LUZP1: variants seen among roughly 807,000 people sequenced by gnomAD.
LUZP1 encodes the protein filamin mechanobinding actin cross-linking protein.
Under a neutral mutation model 71.3 loss-of-function variants are expected in LUZP1, and 25 were observed. The ratio of observed to expected loss-of-function variants is 0.35; its 90% CI spans 0.26 to 0.49. LUZP1 has a LOEUF of 0.49. LUZP1 is among the 20% of genes least tolerant of loss of function. The pLI is 0.99. For missense variants in LUZP1, 1,142 were observed against 1,300.8 expected (o/e 0.88, Z 1.88); for synonymous variants, 481 against 506.4 (o/e 0.95, Z 0.67).
In LUZP1 at chr1:23,093,640, C is replaced by T. The variant is rs773754332; in HGVS notation, c.622G>A (p.Glu208Lys). 6.2e-7 allele frequency: 1 copy of T among 1,610,686 alleles called. No homozygotes were observed. The highest frequency in any genetic ancestry group is 8.5e-7 in the Non-Finnish European group (1 of 1,179,318). Residue 208 changes from glutamate (E) to lysine (K), a missense_variant, in exon 4 of 5, where the codon GAG becomes AAG. Coordinates refer to ENST00000302291, the Ensembl canonical transcript of LUZP1. The surrounding 1 kb of genome is among the most constrained non-coding windows in gnomAD (Gnocchi z 4.2). The stretch of plus-strand genomic sequence containing the variant: ...TGAGTGAGTTCTTTTATCAATTTCT[C>T]ATTTTCTTTCTCCTTTTCATTCAAG...
At chr1:23,088,772 CCA>C in exon 5 of LUZP1, 9 of 1,384,344 alleles carry the variant, frequency 6.5e-6, no homozygotes, top group South Asian at 4.5e-5. Context: ...CCCGGCTCTA[CCA>C]CAGTTTTCCA....
intron 2 of LUZP1, among the ~76,000 whole-genome samples, chr1:23,113,825 A>G (rs971959365): frequency 4.6e-5 from 7 of 151,962 alleles, no homozygotes; most frequent in Admixed American, 6.6e-5. Flanking sequence ...GCTTGCAGTG[A>G]GCCGAGATTC....
chr1:23,152,866 C>T (rs1261996229), intron 2 of LUZP1, among the ~76,000 whole-genome samples: 1 of 152,092 alleles, frequency 6.6e-6, no homozygotes, highest in East Asian at 1.9e-4. Context: ...GAGCTATCTT[C>T]ACTTTCTTTT....
intron 2 of LUZP1, among the ~76,000 whole-genome samples, chr1:23,164,234 G>A (rs777136715): frequency 5.7e-4 from 87 of 152,238 alleles, no homozygotes; most frequent in Admixed American, 7.8e-4. Context: ...GGTGGCTCAC[G>A]CCTCTAATCC....
At chr1:23,138,481 G>A (rs10917351) in intron 2 of LUZP1, among the ~76,000 whole-genome samples, 26,179 of 151,964 alleles carry the variant, frequency 0.17, 2,320 homozygotes, top group East Asian at 0.27. Context: ...GATTATGATT[G>A]CCAGGGGCTA....
exon 4 of LUZP1, chr1:23,092,723 G>A: frequency 6.2e-7 from 1 of 1,614,042 alleles, no homozygotes; most frequent in Non-Finnish European, 8.5e-7. Context: ...CATGGGTGGT[G>A]TCACTAAACG....
chr1:23,143,768 T>A (rs1644322981), intron 2 of LUZP1, among the ~76,000 whole-genome samples: 1 of 152,204 alleles, frequency 6.6e-6, no homozygotes. Flanking sequence ...ACAAATTTAT[T>A]ATCTCATTTA....
chr1:23,172,719 T>G (rs1644559350), intron 1 of LUZP1, among the ~76,000 whole-genome samples: 1 of 152,036 alleles, frequency 6.6e-6, no homozygotes, highest in African/African-American at 2.4e-5. Flanking sequence ...TTCACCATGT[T>G]GCCCAGGCTG....
At chr1:23,126,758 T>C (rs1644175352) in intron 2 of LUZP1, among the ~76,000 whole-genome samples, 1 of 152,226 alleles carries the variant, frequency 6.6e-6, no homozygotes, top group African/African-American at 2.4e-5. Context: ...TTCTTGCTTT[T>C]GATGTTTACA....
At chr1:23,126,303 G>C (rs1277253812) in intron 2 of LUZP1, among the ~76,000 whole-genome samples, 3 of 152,036 alleles carry the variant, frequency 2.0e-5, no homozygotes, top group Non-Finnish European at 2.9e-5. Flanking sequence ...CACTATGTTG[G>C]CTCCTATTTT....
intron 2 of LUZP1, among the ~76,000 whole-genome samples, chr1:23,166,354 T>A (rs1392541761): frequency 6.6e-6 from 1 of 152,104 alleles, no homozygotes; most frequent in East Asian, 1.9e-4. Flanking sequence ...GGCTTGCTCA[T>A]CTATAAAACA....
At chr1:23,115,152 G>A (rs2124651099) in intron 2 of LUZP1, among the ~76,000 whole-genome samples, 1 of 152,254 alleles carries the variant, frequency 6.6e-6, no homozygotes, top group East Asian at 1.9e-4. Flanking sequence ...ATCTATGATA[G>A]AGGACTGCTG....
At chr1:23,136,355 T>C (rs1644252967) in intron 2 of LUZP1, among the ~76,000 whole-genome samples, 1 of 134,176 alleles carries the variant, frequency 7.5e-6, no homozygotes, top group Non-Finnish European at 1.6e-5. Flanking sequence ...GGGTCCTTCA[T>C]TAAAGAGGAA....
intron 2 of LUZP1, among the ~76,000 whole-genome samples, chr1:23,142,299 T>C (rs1644309399): frequency 6.6e-6 from 1 of 152,184 alleles, no homozygotes; most frequent in Non-Finnish European, 1.5e-5. Flanking sequence ...TAGCCTACTC[T>C]AAATTTTCAA....
At chr1:23,099,268 G>A (rs768457024) in intron 3 of LUZP1, among the ~76,000 whole-genome samples, 1 of 152,248 alleles carries the variant, frequency 6.6e-6, no homozygotes, top group Non-Finnish European at 1.5e-5. Context: ...ACTTAATTAA[G>A]TTTAGACCAC....
At chr1:23,126,037 G>C (rs918824849) in intron 2 of LUZP1, among the ~76,000 whole-genome samples, 6 of 152,178 alleles carry the variant, frequency 3.9e-5, no homozygotes, top group African/African-American at 1.4e-4. Context: ...TTCTGATACA[G>C]ATAGTCCACA....
At chr1:23,177,428 T>C (rs1644589395) in intron 1 of LUZP1, 1 of 152,112 alleles carries the variant, frequency 6.6e-6, no homozygotes, top group Non-Finnish European at 1.5e-5. Context: ...AACTTTAGGA[T>C]GAAACAGACC....
At chr1:23,095,244 G>A (rs1300184780) in intron 3 of LUZP1, among the ~76,000 whole-genome samples, 1 of 152,188 alleles carries the variant, frequency 6.6e-6, no homozygotes, top group Non-Finnish European at 1.5e-5. Flanking sequence ...ATTGATAAAT[G>A]TATTTTAAAC....
At position 23,153,729 on chromosome 1, in the gene LUZP1, T is replaced by C. The variant is rs567520523; in HGVS notation, c.-226+15037A>G. On this transcript the variant is annotated intron_variant, in intron 2 of 4. Transcript: ENST00000302291. ...GCAGCCAGTCATGGCACTTTGGGAG[T>C]TCGAGACCAGCCTGAGTGACATAGT... 1.1e-4 allele frequency among the ~76,000 whole-genome samples: 16 copies of C among 152,232 alleles called. No individual in the cohort carries two copies. The South Asian group carries it at 2.5e-3, about 24-fold the overall frequency.
Sources: allele counts gnomAD v4.1 joint callset (sites outside exome capture counted in the v4.1 genomes callset), GRCh38; gene constraint gnomAD v4.1.1; non-coding constraint Gnocchi (gnomAD v3.1); transcripts MANE v1.5; gene names NCBI Gene and HGNC (gene_info 2026-07-23, HGNC 2026-07-21).